Variants in KIF13B observed in about 807,000 individuals in gnomAD.
The protein encoded by KIF13B is kinesin family member 13B, also known as kinesin-like protein KIF13B.
A neutral mutation model predicts 222.0 loss-of-function variants in KIF13B; 127 were observed. The ratio of observed to expected loss-of-function variants is 0.57; its 90% CI spans 0.50 to 0.66. The LOEUF is 0.66. KIF13B is among the 30% of genes least tolerant of loss of function. The pLI is 0.00. For missense variants in KIF13B, 2,173 were observed against 2,379.0 expected, an observed-to-expected ratio of 0.91 and a Z score of 1.80; for synonymous variants, 976 against 919.0, an observed-to-expected ratio of 1.06 and a Z score of -1.12.
intron 37 of KIF13B, among the ~76,000 whole-genome samples, chr8:29,082,427 CA>C (rs1807853318): frequency 6.6e-6 from 1 of 152,084 alleles, no homozygotes; most frequent in South Asian, 2.1e-4. Flanking sequence ...GTTTACTTTA[CA>C]AACTTCCACA....
intron 6 of KIF13B, 92 bp downstream of exon 6, chr8:29,186,200 C>A (rs1444038563): frequency 2.0e-6 from 2 of 979,756 alleles, no homozygotes; most frequent in Non-Finnish European, 3.1e-6. Context: ...AGAGCGAGAC[C>A]CTCTGAAAAA....
chr8:29,210,946 T>A (rs62502850), intron 2 of KIF13B, among the ~76,000 whole-genome samples: 20,400 of 152,204 alleles, frequency 0.13, 1,517 homozygotes, highest in South Asian at 0.15. Flanking sequence ...TGCAGTTGTA[T>A]GGTTTGTGTC....
chr8:29,155,464 G>A (rs527577927), intron 14 of KIF13B, among the ~76,000 whole-genome samples: 27 of 152,304 alleles, frequency 1.8e-4, no homozygotes, highest in African/African-American at 6.0e-4. Context: ...GCTGTGGTGA[G>A]TGAACCAGGA....
intron 31 of KIF13B, among the ~76,000 whole-genome samples, chr8:29,116,186 T>C (rs1380318425): frequency 6.6e-6 from 1 of 152,250 alleles, no homozygotes; most frequent in African/African-American, 2.4e-5. Flanking sequence ...CGTGCGCCAC[T>C]GCACTGGGCT....
intron 24 of KIF13B, among the ~76,000 whole-genome samples, chr8:29,127,986 A>C (rs1162815198): frequency 6.6e-6 from 1 of 151,710 alleles, no homozygotes; most frequent in Non-Finnish European, 1.5e-5. Context: ...AACATATGAC[A>C]TGTTAAAGTA....
Position 29,140,555 on chromosome 8 carries a change from G to A in KIF13B, c.2397C>T (p.Leu799=). Residue 799 remains leucine (L), a synonymous_variant, in exon 20 of 40, where the codon CTC becomes CTT. Coordinates refer to ENST00000524189, the MANE Select transcript of KIF13B (RefSeq NM_015254.4). ...PFYDEQENHS[L]IGVANVFLES... The stretch of plus-strand genomic sequence containing the variant: ...CGAGGAAGACATTGGCCACCCCAAT[G>A]AGACTGTGATTTTCCTGCTCATCAT... 6.2e-7 allele frequency: 1 copy of A among 1,613,838 alleles called. No homozygotes were observed. The highest frequency in any genetic ancestry group is 1.1e-5 in the South Asian group (1 of 91,080).
chr8:29,113,052 C>G (rs79059608), intron 32 of KIF13B, among the ~76,000 whole-genome samples: 4 of 152,122 alleles, frequency 2.6e-5, no homozygotes, highest in African/African-American at 9.7e-5. Context: ...TATTACTAAC[C>G]CCATTTGACA....
At chr8:29,109,755 T>C (rs1809267345) in intron 33 of KIF13B, among the ~76,000 whole-genome samples, 163 bp downstream of exon 33, 1 of 152,274 alleles carries the variant, frequency 6.6e-6, no homozygotes, top group South Asian at 2.1e-4. Context: ...TGTTACTTTG[T>C]AAGACAGAAT....
At position 29,146,362 on chromosome 8, in the gene KIF13B, G is replaced by C; in HGVS notation, c.2187+16C>G. 1 of 1,613,578 alleles carries C rather than the reference G, an allele frequency of 6.2e-7. No homozygotes were observed. Among genetic ancestry groups the C allele is most frequent in the Non-Finnish European group, 8.5e-7 (1 of 1,179,582 alleles). On this transcript the variant is annotated intron_variant, in intron 18 of 39. Transcript: ENST00000524189. ...CCAATGAGATCTTTGTTTTTTTCAA[G>C]GAACGGCAACCTCACCTTCCTGTTG...
At chr8:29,107,489 T>C (rs892369970) in intron 35 of KIF13B, among the ~76,000 whole-genome samples, 5 of 151,758 alleles carry the variant, frequency 3.3e-5, no homozygotes, top group East Asian at 3.9e-4. Context: ...GATCGCGTCA[T>C]TGCACTCCAG....
chr8:29,166,009 G>A (rs1336839405), intron 11 of KIF13B, among the ~76,000 whole-genome samples: 4 of 148,646 alleles, frequency 2.7e-5, no homozygotes, highest in Non-Finnish European at 5.9e-5. Context: ...ACACTCTATT[G>A]TGAAGATATA....
chr8:29,086,032 A>C (rs916973791), intron 37 of KIF13B, among the ~76,000 whole-genome samples: 1 of 152,098 alleles, frequency 6.6e-6, no homozygotes, highest in African/African-American at 2.4e-5. Context: ...ATGCTTATAT[A>C]GTCAGCTCTC....
Position 29,180,375 on chromosome 8 carries a change from A to G in KIF13B, c.586-137T>C. On this transcript the variant is annotated intron_variant, in intron 7 of 39. Transcript: ENST00000524189. The stretch of plus-strand genomic sequence containing the variant: ...GGAGTTAACATTTTGTTTCTCAATG[A>G]ATATTGAGCCCCATGGAGTACAATA... 8.0e-6 allele frequency: 7 copies of G among 875,114 alleles called. No individual in the cohort carries two copies. In the South Asian group the frequency reaches 1.1e-4, roughly 14 times the overall value. The allele number at this position is 875,114 out of a possible 1,614,324, so 54.2% of individuals were successfully genotyped here.
intron 21 of KIF13B, among the ~76,000 whole-genome samples, chr8:29,139,039 G>C (rs77622301): frequency 6.6e-6 from 1 of 152,170 alleles, no homozygotes; most frequent in Non-Finnish European, 1.5e-5. Flanking sequence ...GGGGTGCTAA[G>C]GGAGGGGGGC....
chr8:29,086,217 T>C (rs7816628), intron 37 of KIF13B, among the ~76,000 whole-genome samples: 85,664 of 152,016 alleles, frequency 0.56, 26,592 homozygotes, highest in Non-Finnish European at 0.71. Flanking sequence ...GAGCCCAGGG[T>C]GGGGGCTGGG....
intron 28 of KIF13B, 111 bp downstream of exon 28, chr8:29,123,255 C>A: frequency 1.7e-6 from 2 of 1,172,640 alleles, no homozygotes; most frequent in Non-Finnish European, 2.4e-6. Flanking sequence ...AACAACATTT[C>A]CCCCCATGCT....
intron 12 of KIF13B, 65 bp from the exon 13 acceptor site, chr8:29,160,932 T>C (rs892375267): frequency 9.6e-6 from 13 of 1,348,118 alleles, no homozygotes; most frequent in Non-Finnish European, 1.4e-5. Flanking sequence ...TCCAAGCGTT[T>C]ACATTACAAT....
chr8:29,227,869 T>A (rs1483312892), intron 2 of KIF13B, among the ~76,000 whole-genome samples: 3 of 152,032 alleles, frequency 2.0e-5, no homozygotes, highest in Non-Finnish European at 4.4e-5. Flanking sequence ...GAGGATCACT[T>A]GAACCCAGGA....
chr8:29,206,617 C>T (rs78212932), intron 2 of KIF13B, among the ~76,000 whole-genome samples: 5,776 of 152,272 alleles, frequency 0.038, 145 homozygotes, highest in Non-Finnish European at 0.055. Flanking sequence ...CAACCCCAAC[C>T]TCCCTTTTTC....
Sources: allele counts gnomAD v4.1 joint callset (sites outside exome capture counted in the v4.1 genomes callset), GRCh38; gene constraint gnomAD v4.1.1; transcripts MANE v1.5; gene names NCBI Gene and HGNC (gene_info 2026-07-23, HGNC 2026-07-21).